Variants in PLEKHG1 observed in about 807,000 individuals in gnomAD.
PLEKHG1 encodes the protein pleckstrin homology domain-containing family G member 1.
A neutral mutation model predicts 100.8 loss-of-function variants in PLEKHG1; 44 were observed. The ratio of observed to expected loss-of-function variants is 0.44; its 90% CI spans 0.34 to 0.56. The LOEUF (loss-of-function observed/expected upper bound fraction) is 0.56, where lower values mean the gene tolerates loss of function less well. Among genes scored for constraint, PLEKHG1 ranks in the 20% least tolerant of loss-of-function variants. The probability of loss-of-function intolerance (pLI) is 0.01; values close to 1 mark genes in which losing one functional copy is unlikely to be tolerated. For missense variants in PLEKHG1, 1,545 were observed against 1,720.9 expected (o/e 0.90, Z 1.81); for synonymous variants, 640 against 662.5 (o/e 0.97, Z 0.52).
chr6:150,720,968 T>C (rs1194943280), upstream of PLEKHG1: 2 of 155,294 alleles, frequency 1.3e-5, no homozygotes, highest in Admixed American at 6.5e-5. Context: ...TTTAAGGCTC[T>C]TAGTGATGCT....
At chr6:150,805,092 C>T (rs1038114656) in intron 7 of PLEKHG1, among the ~76,000 whole-genome samples, 4 of 151,968 alleles carry the variant, frequency 2.6e-5, no homozygotes, top group Non-Finnish European at 5.9e-5. Context: ...TGTGCCACCA[C>T]GGCCTGCCAA....
intron 1 of PLEKHG1, among the ~76,000 whole-genome samples, chr6:150,619,199 G>A (rs539978257): frequency 1.1e-3 from 172 of 152,226 alleles, no homozygotes; most frequent in Non-Finnish European, 2.1e-3. Context: ...AGCTAGAGAC[G>A]TTTGGGTTTA....
intron 1 of PLEKHG1, among the ~76,000 whole-genome samples, chr6:150,603,754 C>T (rs931295598): frequency 1.3e-4 from 4 of 31,446 alleles, no homozygotes; most frequent in African/African-American, 3.1e-4. Context: ...TCTAAACATC[C>T]TTTGGTAAAT....
At chr6:150,760,935 C>G (rs889035523) in intron 2 of PLEKHG1, among the ~76,000 whole-genome samples, 1 of 151,774 alleles carries the variant, frequency 6.6e-6, no homozygotes, top group African/African-American at 2.4e-5. Context: ...ATTGTTATAC[C>G]GAAAGGTAAT....
chr6:150,743,663 A>G (rs889570257), intron 2 of PLEKHG1, among the ~76,000 whole-genome samples: 20 of 152,152 alleles, frequency 1.3e-4, no homozygotes, highest in African/African-American at 4.6e-4. Flanking sequence ...AGACCAATGT[A>G]TCTCCTACTG....
intron 2 of PLEKHG1, among the ~76,000 whole-genome samples, chr6:150,736,683 C>T (rs544551520): frequency 5.3e-5 from 8 of 152,146 alleles, no homozygotes; most frequent in Middle Eastern, 3.4e-3. Flanking sequence ...ACAGGAGAAT[C>T]GCTTGAACCT....
At chr6:150,828,207 C>T in intron 14 of PLEKHG1, 2 of 1,613,900 alleles carry the variant, frequency 1.2e-6, no homozygotes, top group Non-Finnish European at 8.5e-7. Context: ...TATTGGTCCT[C>T]TGAGTGTTTG....
Position 150,814,335 on chromosome 6 carries a change from C to G in PLEKHG1, c.1279-3848C>G, listed in dbSNP as rs947459927. On this transcript the variant is annotated intron_variant, in intron 10 of 15. Coordinates refer to ENST00000358517, the Ensembl canonical transcript of PLEKHG1. ...AAATGAGACCCCCTTACATACCTGT[C>G]TTTCTCCCACGCTAGGCGTGTGTGC... Among the ~76,000 whole-genome samples, 12 of 152,236 alleles carry G rather than the reference C, an allele frequency of 7.9e-5. No homozygotes were observed. In the South Asian group the frequency reaches 2.5e-3, roughly 31 times the overall value.
At chr6:150,675,560 T>G (rs1779726350) in intron 3 of PLEKHG1, among the ~76,000 whole-genome samples, 1 of 152,260 alleles carries the variant, frequency 6.6e-6, no homozygotes, top group African/African-American at 2.4e-5. Context: ...TTTTAGCCTC[T>G]TGTCTTTAAT....
intron 1 of PLEKHG1, among the ~76,000 whole-genome samples, chr6:150,620,874 G>A (rs1777270751): frequency 6.6e-6 from 1 of 152,190 alleles, no homozygotes; most frequent in African/African-American, 2.4e-5. Context: ...GAATGGGAGA[G>A]AGAATGAATT....
intron 2 of PLEKHG1, among the ~76,000 whole-genome samples, chr6:150,765,549 A>G (rs1307796491): frequency 1.3e-5 from 2 of 152,144 alleles, no homozygotes; most frequent in African/African-American, 4.8e-5. Flanking sequence ...TGCAGGAGCT[A>G]TTAACTAACC....
intron 13 of PLEKHG1, among the ~76,000 whole-genome samples, chr6:150,821,879 T>C (rs1449025271): frequency 6.6e-6 from 1 of 151,020 alleles, no homozygotes; most frequent in African/African-American, 2.4e-5. Flanking sequence ...CTTGCTCTTG[T>C]TGCCCAGGCT....
At chr6:150,637,756 T>C (rs1315628377) in intron 1 of PLEKHG1, among the ~76,000 whole-genome samples, 1 of 152,170 alleles carries the variant, frequency 6.6e-6, no homozygotes, top group African/African-American at 2.4e-5. Flanking sequence ...TTCACCACTA[T>C]CTTTTTGTCA....
chr6:150,742,445 A>C (rs1454189799), intron 2 of PLEKHG1, among the ~76,000 whole-genome samples: 1 of 151,774 alleles, frequency 6.6e-6, no homozygotes, highest in Non-Finnish European at 1.5e-5. Context: ...TGCACCTGTA[A>C]TCCCAGCTAC....
intron 3 of PLEKHG1, among the ~76,000 whole-genome samples, chr6:150,774,345 AT>A (rs1036706197): frequency 2.0e-5 from 3 of 152,062 alleles, no homozygotes; most frequent in Admixed American, 6.6e-5. Context: ...CTAAAATTTT[AT>A]TGTGAATATT....
At chr6:150,716,786 G>A (rs553069346), upstream of PLEKHG1, among the ~76,000 whole-genome samples, 35 of 152,320 alleles carry the variant, frequency 2.3e-4, 1 homozygote, top group South Asian at 6.6e-3. Context: ...GGTTTTAACT[G>A]ACAACTTTTA....
At position 150,818,229 on chromosome 6, in the gene PLEKHG1, T is replaced by C; in HGVS notation, c.1312+13T>C. 1 of 1,570,312 alleles carries C rather than the reference T, an allele frequency of 6.4e-7. No homozygotes were observed. Among genetic ancestry groups the C allele is most frequent in the East Asian group, 2.2e-5 (1 of 44,680 alleles). On this transcript the variant is annotated intron_variant, in intron 11 of 15. Transcript: ENST00000358517. ...ATGGATGCCATTCGTAAGTTTTATT[T>C]CCTTAAAACAATTTGAAATTTCATT...
intron 4 of PLEKHG1, among the ~76,000 whole-genome samples, chr6:150,789,827 T>G (rs1444645961): frequency 1.3e-5 from 2 of 152,136 alleles, no homozygotes; most frequent in African/African-American, 4.8e-5. Flanking sequence ...CAAGTCACTC[T>G]GGCATTTTCA....
chr6:150,741,425 T>C (rs537835668), intron 2 of PLEKHG1, among the ~76,000 whole-genome samples: 1 of 152,278 alleles, frequency 6.6e-6, no homozygotes, highest in South Asian at 2.1e-4. Context: ...CCCCATCACC[T>C]CAATAGATTC....
Sources: allele counts gnomAD v4.1 joint callset (sites outside exome capture counted in the v4.1 genomes callset), GRCh38; gene constraint gnomAD v4.1.1; transcripts MANE v1.5; gene names NCBI Gene and HGNC (gene_info 2026-07-23, HGNC 2026-07-21).